SPEG: variants seen among roughly 807,000 people sequenced by gnomAD.
The protein encoded by SPEG is striated muscle preferentially expressed protein kinase.
Under a neutral mutation model 300.4 loss-of-function variants are expected in SPEG, and 114 were observed. The observed-to-expected ratio is 0.38, with a 90% CI of 0.33 to 0.44. SPEG has a LOEUF of 0.44. SPEG is among the 20% of genes least tolerant of loss of function. The pLI is 1.00. For missense variants in SPEG, 4,201 were observed against 4,586.2 expected, an observed-to-expected ratio of 0.92 and a Z score of 2.43; for synonymous variants, 1,964 against 2,018.9, an observed-to-expected ratio of 0.97 and a Z score of 0.73.
chr2:219,483,431 G>T lies in SPEG; in HGVS notation c.5968G>T (p.Glu1990Ter). ...TCAGGACCAGGAGGCTCCCAGCCCA[G>T]AGGCCCTCCCCTCCCCAGGCCAGGA... Reference protein sequence around the residue: ...PSQDQEAPSPEALPSPGQEPA... With the variant: ...PSQDQEAPSP Residue 1990 changes from glutamate (E) to a stop codon, truncating the protein, a stop_gained, in exon 30 of 41, where the codon GAG (glutamate) becomes TAG (stop). Transcript: ENST00000312358. LOFTEE classifies it high-confidence loss of function. 1 of 1,563,792 alleles carries T rather than the reference G, an allele frequency of 6.4e-7. No individual in the cohort carries two copies. Among genetic ancestry groups the T allele is most frequent in the East Asian group, 2.3e-5 (1 of 43,414 alleles).
At chr2:219,466,115 G>A in intron 9 of SPEG, 1 of 1,588,038 alleles carries the variant, frequency 6.3e-7, no homozygotes, top group Non-Finnish European at 8.5e-7. Flanking sequence ...CCGCGCCCCT[G>A]TCTCAGGCAC....
Position 219,458,963 on chromosome 2 carries a change from C to T in SPEG, c.2441-2919C>T, listed in dbSNP as rs929281659. ...GACACCTTTTATGTACTAGATAATT[C>T]GCAGTGGTGGCTGCAACTCTGTCTA... On this transcript the variant is annotated intron_variant, in intron 6 of 40. Coordinates refer to ENST00000312358, the MANE Select transcript of SPEG (RefSeq NM_005876.5). The surrounding 1 kb of genome is among the most constrained non-coding windows in gnomAD (Gnocchi z 4.2). Among the ~76,000 whole-genome samples, 11 of 152,282 alleles carry T rather than the reference C, an allele frequency of 7.2e-5. No individual in the cohort carries two copies. The South Asian group carries it at 1.2e-3, about 17-fold the overall frequency.
chr2:219,462,423 C>G (rs1200734708), intron 8 of SPEG, 37 bp downstream of exon 8: 4 of 1,505,360 alleles, frequency 2.7e-6, no homozygotes, highest in Non-Finnish European at 3.6e-6. Flanking sequence ...ACCAGCGACT[C>G]TATGCCAGGC....
rs928906938 is a variant in SPEG at position 219,476,856 on chromosome 2, C to T, written c.4448-14C>T. 1.2e-6 allele frequency: 2 copies of T among 1,606,446 alleles called. No homozygotes were observed. Among genetic ancestry groups the T allele is most frequent in the Non-Finnish European group, 1.7e-6 (2 of 1,173,466 alleles). ...AGCCCCTTCTCTTCCCACCCCTATC[C>T]CCATGTGTTTCAGAGGCCCCTCGGT... On this transcript the variant is annotated splice_polypyrimidine_tract_variant and intron_variant, in intron 18 of 40. Transcript: ENST00000312358.
rs372924696 is a variant in SPEG, at chr2:219,483,394, A to G, written c.5931A>G (p.Gly1977=). ...AATPMDWQEQ[G]RAPSQDQEAP... is the part of the protein sequence containing the mutation. ...CCCCCATGGACTGGCAGGAGCAGGG[A>G]AGGGCTCCCTCTCAGGACCAGGAGG... The change falls in exon 30 of 41, where the codon GGA becomes GGG. Residue 1977 remains glycine, a synonymous_variant. Coordinates refer to ENST00000312358, the MANE Select transcript of SPEG (RefSeq NM_005876.5). 31 of 1,596,338 alleles carry G rather than the reference A, an allele frequency of 1.9e-5. No homozygotes were observed. The highest frequency in any genetic ancestry group is 2.5e-5 in the Non-Finnish European group (29 of 1,175,592).
Position 219,467,214 on chromosome 2 carries a change from G to T in SPEG, c.2922G>T (p.Leu974=). ...GGTCCCTGGCCGTGCTGGCCCCCCT[G>T]CAGGACGTGGACGTGGGGGCCGGGG... ...ESRSLAVLAP[L]QDVDVGAGEM... The change falls in exon 10 of 41, where the codon CTG becomes CTT. Residue 974 remains leucine (L), a synonymous_variant. Coordinates refer to ENST00000312358, the MANE Select transcript of SPEG (RefSeq NM_005876.5). 8.1e-6 allele frequency: 13 copies of T among 1,595,158 alleles called. No homozygotes were observed. Among genetic ancestry groups the T allele is most frequent in the Non-Finnish European group, 1.1e-5 (13 of 1,171,938 alleles).
Position 219,444,979 on chromosome 2 carries a change from C to T in SPEG, c.633C>T (p.Ser211=), listed in dbSNP as rs2125248372. Residue 211 remains serine (S), a synonymous_variant, in exon 3 of 41, where the codon AGC becomes AGT. Coordinates refer to ENST00000312358, the MANE Select transcript of SPEG (RefSeq NM_005876.5). The surrounding 1 kb of genome is among the most constrained non-coding windows in gnomAD (Gnocchi z 7.8). ...GTGGCACCCGCCGCCTCCCGGGCAG[C>T]CCAAGGCAAGCACAGGCAACCGGGG... The part of the protein sequence containing the change: ...SGGGTRRLPG[S]PRQAQATGAG... The T allele has an allele frequency of 6.2e-7, 1 of 1,609,810 alleles. No homozygotes were observed. Among genetic ancestry groups the T allele is most frequent in the Non-Finnish European group, 8.5e-7 (1 of 1,178,270 alleles).
Position 219,473,464 on chromosome 2 carries a change from T to C in SPEG, c.4148-40T>C. 6.2e-7 allele frequency: 1 copy of C among 1,604,476 alleles called. No individual in the cohort carries two copies. The highest frequency in any genetic ancestry group is 8.5e-7 in the Non-Finnish European group (1 of 1,173,210). On this transcript the variant is annotated intron_variant, in intron 16 of 40. Transcript: ENST00000312358. This position sits in a 1 kb window ranked among gnomAD's most constrained non-coding sequence, Gnocchi z 4.6. ...GGAGTGGTGGGTGCTGAGGACCTGATGTCAAGCCCAGCACAGAGCCTGCGC... is the reference window on the plus strand; with the variant it reads ...GGAGTGGTGGGTGCTGAGGACCTGACGTCAAGCCCAGCACAGAGCCTGCGC...
Position 219,448,133 on chromosome 2 carries a change from G to A in SPEG, c.975G>A (p.Pro325=), listed in dbSNP as rs1689457469. The A allele has an allele frequency of 3.1e-6, 5 of 1,605,546 alleles. No individual in the cohort carries two copies. In the African/African-American group the frequency reaches 4.0e-5, roughly 13 times the overall value. The stretch of plus-strand genomic sequence containing the variant: ...GGAAGCGGTCCCCGCCGGGACCCCC[G>A]GCCCAGCCCGCGGCCACCCCCACGT... ...RVGKRSPPGP[P]AQPAATPTSP... is the part of the protein sequence containing the mutation. Residue 325 remains proline (P), a synonymous_variant, in exon 4 of 41, where the codon CCG becomes CCA. Transcript: ENST00000312358.
In SPEG at chr2:219,464,118, G is replaced by C. The variant is rs922410354; in HGVS notation, c.2706-315G>C. Among the ~76,000 whole-genome samples the C allele has an allele frequency of 7.0e-6, 1 of 143,370 alleles. No homozygotes were observed. Among genetic ancestry groups the C allele is most frequent in the African/African-American group, 2.7e-5 (1 of 37,660 alleles). 94.1% of individuals were successfully genotyped at this position (143,370 alleles called of 152,430 possible). On this transcript the variant is annotated intron_variant, in intron 8 of 40. Transcript: ENST00000312358. This position sits in a 1 kb window ranked among gnomAD's most constrained non-coding sequence, Gnocchi z 4.5. Reference sequence around the variant, plus strand: ...AGCCTGGGTGACAGAGGGAAACCCTGTTTAAAAAAAAAAAAAAAAGACAAG... The same window carrying C: ...AGCCTGGGTGACAGAGGGAAACCCTCTTTAAAAAAAAAAAAAAAAGACAAG...
chr2:219,489,968 C>T (rs1175483583), intron 36 of SPEG, 29 bp downstream of exon 36: 2 of 1,534,494 alleles, frequency 1.3e-6, no homozygotes, highest in Admixed American at 2.0e-5. Flanking sequence ...GGGAAGAGGA[C>T]AGAGGGGAGT....
chr2:219,485,991 G>A (rs1462318045), intron 31 of SPEG, among the ~76,000 whole-genome samples: 3 of 152,226 alleles, frequency 2.0e-5, no homozygotes, highest in Non-Finnish European at 4.4e-5. Flanking sequence ...ATGTGTGTGT[G>A]CTTGGGTGTG....
chr2:219,435,723 C>G (rs1954701524), intron 1 of SPEG, among the ~76,000 whole-genome samples: 1 of 152,208 alleles, frequency 6.6e-6, no homozygotes. Context: ...ATGATTTAAA[C>G]TTGAGATTGA....
chr2:219,479,616 G>A lies in SPEG; in HGVS notation c.5086-167G>A, dbSNP rs1172796956. ...TCCCTATAATTGTGCTGTACCCTCCGGTGCATATGGTAGCCTTGGATCTTT... is the reference window on the plus strand; with the variant it reads ...TCCCTATAATTGTGCTGTACCCTCCAGTGCATATGGTAGCCTTGGATCTTT... On this transcript the variant is annotated intron_variant, in intron 23 of 40. Transcript: ENST00000312358. This position sits in a 1 kb window ranked among gnomAD's most constrained non-coding sequence, Gnocchi z 5.5. Among the ~76,000 whole-genome samples, 3 of 152,100 alleles carry A rather than the reference G, an allele frequency of 2.0e-5. No individual in the cohort carries two copies. The highest frequency in any genetic ancestry group is 6.6e-5 in the Admixed American group (1 of 15,260).
In SPEG at chr2:219,480,745, C is replaced by T; in HGVS notation, c.5369+48C>T. Reference sequence around the variant, plus strand: ...CCAGCAGTCTCCTGGCAGGTCTACCCCTAACCTTTGCAGGGCTGCAGCCCA... The same window carrying T: ...CCAGCAGTCTCCTGGCAGGTCTACCTCTAACCTTTGCAGGGCTGCAGCCCA... On this transcript the variant is annotated intron_variant, in intron 26 of 40. Coordinates refer to ENST00000312358, the MANE Select transcript of SPEG (RefSeq NM_005876.5). The surrounding 1 kb of genome is among the most constrained non-coding windows in gnomAD (Gnocchi z 5.3). 1.3e-6 allele frequency: 2 copies of T among 1,596,144 alleles called. No homozygotes were observed. Among genetic ancestry groups the T allele is most frequent in the Non-Finnish European group, 1.7e-6 (2 of 1,163,808 alleles).
chr2:219,480,587 A>T lies in SPEG; in HGVS notation c.5343-84A>T. 2 of 1,433,380 alleles carry T rather than the reference A, an allele frequency of 1.4e-6. No individual in the cohort carries two copies. Among genetic ancestry groups the T allele is most frequent in the African/African-American group, 1.4e-5 (1 of 71,378 alleles). The allele number at this position is 1,433,380 out of a possible 1,614,324, so 88.8% of individuals were successfully genotyped here. On this transcript the variant is annotated intron_variant, in intron 25 of 40. Coordinates refer to ENST00000312358, the MANE Select transcript of SPEG (RefSeq NM_005876.5). The surrounding 1 kb of genome is among the most constrained non-coding windows in gnomAD (Gnocchi z 5.3). ...AGTGTTCCCAGGGAGGTAACAGCTC[A>T]CTCAGGTCAGCAGTAGCAAAGAACT...
chr2:219,459,004 A>G lies in SPEG; in HGVS notation c.2441-2878A>G, dbSNP rs895899383. On this transcript the variant is annotated intron_variant, in intron 6 of 40. Transcript: ENST00000312358. This position sits in a 1 kb window ranked among gnomAD's most constrained non-coding sequence, Gnocchi z 4.9. ...ACTCTGTCTATTGTGAGAACACATCAGGGGACGCTGAAACAGTTGGGGTCG... is the reference window on the plus strand; with the variant it reads ...ACTCTGTCTATTGTGAGAACACATCGGGGGACGCTGAAACAGTTGGGGTCG... 1.3e-5 allele frequency among the ~76,000 whole-genome samples: 2 copies of G among 152,212 alleles called. No homozygotes were observed. The highest frequency in any genetic ancestry group is 4.8e-5 in the African/African-American group (2 of 41,444).
rs754641174 is a variant in SPEG at position 219,488,536 on chromosome 2, G to C, written c.7897G>C (p.Val2633Leu). ...GAGGTCAGAGCCCTCAGTGATCATC[G>C]TGTCCTGCAAAGATGGGCGGCAGCT... ...SLRSEPSVII[V>L]SCKDGRQLLS... is the part of the protein sequence containing the mutation. The change falls in exon 33 of 41, where the codon GTG (valine) becomes CTG (leucine). Residue 2633 changes from valine (V) to leucine (L), a missense_variant. Physicochemically the swap from Val to Leu is conservative, Grantham distance 32. This residue lies in a region of SPEG where 1,578 missense variants were observed against 1,506.0 expected (regional missense o/e 1.05). Coordinates refer to ENST00000312358, the MANE Select transcript of SPEG (RefSeq NM_005876.5). 6.2e-7 allele frequency: 1 copy of C among 1,604,556 alleles called. No homozygotes were observed. Among genetic ancestry groups the C allele is most frequent in the East Asian group, 2.2e-5 (1 of 44,776 alleles).
chr2:219,488,679 A>G lies in SPEG; in HGVS notation c.8026+14A>G, dbSNP rs777267283. 1 of 1,601,282 alleles carries G rather than the reference A, an allele frequency of 6.2e-7. No individual in the cohort carries two copies. Among genetic ancestry groups the G allele is most frequent in the South Asian group, 1.1e-5 (1 of 89,822 alleles). ...TGGCTGTGGCCCGTGAGCCTGGGGC[A>G]GGGCCCCAGGGGGGTAGTGATGGGG... On this transcript the variant is annotated intron_variant, in intron 33 of 40. Coordinates refer to ENST00000312358, the MANE Select transcript of SPEG (RefSeq NM_005876.5).
Sources: allele counts gnomAD v4.1 joint callset (sites outside exome capture counted in the v4.1 genomes callset), GRCh38; gene constraint gnomAD v4.1.1; regional missense constraint gnomAD v4.1.1; non-coding constraint Gnocchi (gnomAD v3.1); transcripts MANE v1.5; gene names NCBI Gene and HGNC (gene_info 2026-07-23, HGNC 2026-07-21).